Variants in NXN observed in about 807,000 individuals in gnomAD.
The protein encoded by NXN is nucleoredoxin 1.
A neutral mutation model predicts 48.6 loss-of-function variants in NXN; 16 were observed. The observed-to-expected ratio is 0.33, with a 90% CI of 0.22 to 0.50. The LOEUF is 0.50. Among genes scored for constraint, NXN ranks in the 20% least tolerant of loss-of-function variants. The pLI is 0.98. For missense variants in NXN, 492 were observed against 605.5 expected (o/e 0.81, Z 1.97); for synonymous variants, 281 against 269.6 (o/e 1.04, Z -0.41).
chr17:843,040 GA>G (rs1445614570), intron 1 of NXN, among the ~76,000 whole-genome samples: 306 of 140,150 alleles, frequency 2.2e-3, no homozygotes, highest in African/African-American at 8.5e-3. Flanking sequence ...AAGAAAGAAA[GA>G]AAGAAAGAAA....
rs1912815242 is a variant in NXN at position 821,459 on chromosome 17, TGA to T, written c.713+896_713+897del. Among the ~76,000 whole-genome samples, 2 of 78,450 alleles carry T rather than the reference TGA, an allele frequency of 2.5e-5. 1 individual carries two copies. Among genetic ancestry groups the T allele is most frequent in the African/African-American group, 1.5e-4 (2 of 12,986 alleles). 51.5% of individuals were successfully genotyped at this position (78,450 alleles called of 152,430 possible). ...ACCAGACACAGCAAAGGGCCAGAGCTGAGATAACAGCCATCCGGCCGGGCGCG... is the reference window on the plus strand; with the variant it reads ...ACCAGACACAGCAAAGGGCCAGAGCTGATAACAGCCATCCGGCCGGGCGCG... On this transcript the variant is annotated intron_variant, in intron 4 of 7. Coordinates refer to ENST00000336868, the MANE Select transcript of NXN (RefSeq NM_022463.5).
At chr17:969,679 A>G (rs921105266) in intron 1 of NXN, among the ~76,000 whole-genome samples, 11 of 152,176 alleles carry the variant, frequency 7.2e-5, no homozygotes, top group Non-Finnish European at 1.2e-4. Flanking sequence ...TCTTGACCTG[A>G]TCACGTTTAA....
At position 803,705 on chromosome 17, in the gene NXN, G is replaced by T; in HGVS notation, c.1102C>A (p.Leu368Ile). The T allele has an allele frequency of 6.2e-7, 1 of 1,614,216 alleles. No homozygotes were observed. ...ACCTCCCCGGCTACGAAGAACAGAA[G>T]GGGTGCCTCCTCCTCTTTGGCTTTG... ...KYKAKEEEAP[L>I]LFFVAGEDDM... The change falls in exon 7 of 8, where the codon CTT becomes ATT. Residue 368 changes from leucine (L) to isoleucine (I), a missense_variant. Transcript: ENST00000336868.
intron 1 of NXN, among the ~76,000 whole-genome samples, chr17:926,788 C>T (rs531543868): frequency 2.6e-5 from 4 of 152,122 alleles, no homozygotes; most frequent in South Asian, 2.1e-4. Flanking sequence ...GCGATCTGCC[C>T]GCCTTGGCCT....
At position 860,057 on chromosome 17, in the gene NXN, C is replaced by T. The variant is rs555499768; in HGVS notation, c.361-33979G>A. On this transcript the variant is annotated intron_variant, in intron 1 of 7. Coordinates refer to ENST00000336868, the MANE Select transcript of NXN (RefSeq NM_022463.5). ...AGAAGCTAAGGAAAACGCTCACTCC[C>T]GGCAGTGAAAGTGAGCCTTCTCTTT... is the stretch of plus-strand genomic sequence containing the variant. Among the ~76,000 whole-genome samples the T allele has an allele frequency of 7.9e-5, 12 of 152,188 alleles. No individual in the cohort carries two copies. The South Asian group carries it at 2.3e-3, about 29-fold the overall frequency.
At chr17:941,703 T>C (rs1220609966) in intron 1 of NXN, among the ~76,000 whole-genome samples, 2 of 28,986 alleles carry the variant, frequency 6.9e-5, no homozygotes, top group Middle Eastern at 0.022. Flanking sequence ...GGATTTACAG[T>C]GAACAAGATT....
At chr17:940,940 T>A (rs1283249608) in intron 1 of NXN, among the ~76,000 whole-genome samples, 1 of 135,740 alleles carries the variant, frequency 7.4e-6, no homozygotes, top group Non-Finnish European at 1.5e-5. Flanking sequence ...TGAACTCACA[T>A]CACACCTTCC....
At chr17:805,761 T>G (rs1911460581) in intron 5 of NXN, among the ~76,000 whole-genome samples, 1 of 151,960 alleles carries the variant, frequency 6.6e-6, no homozygotes, top group Non-Finnish European at 1.5e-5. Flanking sequence ...TCGCTCGAAC[T>G]CGGGAGGTGG....
In NXN at chr17:951,074, C is replaced by T. The variant is rs376645923; in HGVS notation, c.360+28245G>A. On this transcript the variant is annotated intron_variant, in intron 1 of 7. Transcript: ENST00000336868. ...ACTTCCGGCCGGGCACGGTGGCTCACGCCTGTAATCCCAGCACTTTGGGAG... is the reference window on the plus strand; with the variant it reads ...ACTTCCGGCCGGGCACGGTGGCTCATGCCTGTAATCCCAGCACTTTGGGAG... Among the ~76,000 whole-genome samples, 4 of 150,092 alleles carry T rather than the reference C, an allele frequency of 2.7e-5. No individual in the cohort carries two copies. The South Asian group carries it at 6.4e-4, about 24-fold the overall frequency.
chr17:812,047 C>A (rs1912064469), intron 5 of NXN, among the ~76,000 whole-genome samples: 1 of 150,910 alleles, frequency 6.6e-6, no homozygotes, highest in Non-Finnish European at 1.5e-5. Context: ...CCTGCCTCAG[C>A]CTCCCGAGTA....
At chr17:832,537 C>T (rs1055660341) in intron 1 of NXN, among the ~76,000 whole-genome samples, 2 of 152,076 alleles carry the variant, frequency 1.3e-5, no homozygotes, top group African/African-American at 4.8e-5. Flanking sequence ...CCTGAACAGC[C>T]TCTACCCTCT....
rs2144948651 is a variant in NXN at position 920,327 on chromosome 17, C to A, written c.360+58992G>T. Among the ~76,000 whole-genome samples the A allele has an allele frequency of 6.6e-6, 1 of 152,292 alleles. No individual in the cohort carries two copies. The highest frequency in any genetic ancestry group is 2.1e-4 in the South Asian group (1 of 4,826). On this transcript the variant is annotated intron_variant, in intron 1 of 7. Coordinates refer to ENST00000336868, the MANE Select transcript of NXN (RefSeq NM_022463.5). This position sits in a 1 kb window ranked among gnomAD's most constrained non-coding sequence, Gnocchi z 4.6. ...CATCAAGTGATTGTTCAAATTCAGC[C>A]AAGGGGGCCGATGAGGTGCCCATGT...
intron 4 of NXN, among the ~76,000 whole-genome samples, chr17:820,923 AAAAAAAAAAAAAAAAAC>A (rs200975039): frequency 0.054 from 3,359 of 62,310 alleles, 1,231 homozygotes; most frequent in Non-Finnish European, 0.075. Flanking sequence ...GACTCCACCT[AAAAAAAAAAAAAAAAAC>A]AAAAAAAAAA....
intron 1 of NXN, among the ~76,000 whole-genome samples, chr17:882,786 G>A (rs1022452998): frequency 4.6e-5 from 7 of 151,784 alleles, no homozygotes; most frequent in Non-Finnish European, 8.8e-5. Context: ...TTTTTGAGAC[G>A]TTGTCTTGCT....
intron 1 of NXN, among the ~76,000 whole-genome samples, chr17:854,228 C>G (rs938890909): frequency 6.6e-6 from 1 of 152,188 alleles, no homozygotes. Context: ...CGTACTCGCT[C>G]TTCTCACTAA....
chr17:957,544 A>G (rs949776234), intron 1 of NXN, among the ~76,000 whole-genome samples: 3 of 151,646 alleles, frequency 2.0e-5, no homozygotes, highest in Non-Finnish European at 2.9e-5. Context: ...AGGCAGGAGA[A>G]CTGCTTGAAC....
chr17:968,293 T>C (rs937587576), intron 1 of NXN, among the ~76,000 whole-genome samples: 1 of 152,196 alleles, frequency 6.6e-6, no homozygotes, highest in South Asian at 2.1e-4. Context: ...AAGAGACATA[T>C]GCACAGACCA....
At chr17:931,834 CAAAAAAAAA>C (rs34072582) in intron 1 of NXN, among the ~76,000 whole-genome samples, 4 of 88,418 alleles carry the variant, frequency 4.5e-5, no homozygotes, top group Non-Finnish European at 8.0e-5. Context: ...GACTCCGTCT[CAAAAAAAAA>C]AAAAAAAAAA....
intron 7 of NXN, among the ~76,000 whole-genome samples, chr17:802,889 A>G (rs1349159827): frequency 8.6e-6 from 1 of 116,950 alleles, no homozygotes; most frequent in Non-Finnish European, 1.7e-5. Context: ...GGAGGTACAG[A>G]TGGGTGGATG....
Sources: gnomAD v4.1 joint callset for allele counts (sites outside exome capture counted in the v4.1 genomes callset) on GRCh38, gnomAD v4.1.1 for gene constraint, Gnocchi (gnomAD v3.1) non-coding constraint, MANE v1.5 for transcripts, NCBI Gene and HGNC (gene_info 2026-07-23, HGNC 2026-07-21) for gene names.